The following SLC44A5 variants were observed in gnomAD, a reference collection of about 807,000 sequenced individuals.
SLC44A5 encodes solute carrier family 44 member 5, also known as choline transporter-like protein 5.
Under a neutral mutation model 101.8 loss-of-function variants are expected in SLC44A5, and 57 were observed. The observed-to-expected ratio is 0.56, with a 90% confidence interval of 0.45 to 0.70. The LOEUF (loss-of-function observed/expected upper bound fraction) is 0.70. Ranked by LOEUF, SLC44A5 falls within the 30% of genes least tolerant of loss-of-function variation. The pLI is 0.00. For missense variants in SLC44A5, 737 were observed against 853.1 expected (o/e 0.86, Z 1.70); for synonymous variants, 281 against 290.9 (o/e 0.97, Z 0.35).
chr1:75,302,104 G>GTTTTTTT lies in SLC44A5; in HGVS notation c.102-1426_102-1420dup, dbSNP rs1204998592. Among the ~76,000 whole-genome samples the GTTTTTTT allele has an allele frequency of 2.8e-3, 137 of 49,580 alleles. 16 individuals are homozygous for GTTTTTTT. The highest frequency in any genetic ancestry group is 6.1e-3 in the East Asian group (9 of 1,476). 32.5% of individuals were successfully genotyped at this position (49,580 alleles called of 152,430 possible). A position where few individuals can be genotyped will look rare whatever the true frequency, so the allele number is the denominator to read the frequency against. On this transcript the variant is annotated intron_variant, in intron 4 of 23. Coordinates refer to ENST00000370859, the MANE Select transcript of SLC44A5 (RefSeq NM_001130058.2). ...ACAAGAGAAGAAAGCAGGTGCTCTA[G>GTTTTTTT]TTTTTTTGTTTTTTTTTTTTTTTTT... is the stretch of plus-strand genomic sequence containing the variant.
chr1:75,287,054 C>A (rs1375489972), intron 5 of SLC44A5, among the ~76,000 whole-genome samples: 1 of 152,058 alleles, frequency 6.6e-6, no homozygotes, highest in East Asian at 1.9e-4. Context: ...TTTTAGATTT[C>A]TCTTCTTCCT....
chr1:75,351,842 T>A (rs2101073515), intron 3 of SLC44A5, among the ~76,000 whole-genome samples: 2 of 8,142 alleles, frequency 2.5e-4, no homozygotes, highest in African/African-American at 4.5e-4. Context: ...ATAACACACT[T>A]TACCAAAAAA....
intron 2 of SLC44A5, among the ~76,000 whole-genome samples, chr1:75,505,991 A>G (rs563405014): frequency 8.5e-5 from 13 of 152,260 alleles, no homozygotes; most frequent in Admixed American, 6.5e-5. Flanking sequence ...TGAGGTTTAC[A>G]TCTAAATATT....
intron 18 of SLC44A5, among the ~76,000 whole-genome samples, chr1:75,216,834 C>A (rs1414909044): frequency 1.3e-5 from 2 of 151,834 alleles, no homozygotes; most frequent in Non-Finnish European, 2.9e-5. Context: ...TGTAGAAGTT[C>A]TTTTATGTTC....
At chr1:75,496,376 T>C (rs539072631) in intron 2 of SLC44A5, among the ~76,000 whole-genome samples, 2 of 152,164 alleles carry the variant, frequency 1.3e-5, no homozygotes, top group Admixed American at 1.3e-4. Flanking sequence ...CTTCAATAAA[T>C]GGTGTTGGAA....
At chr1:75,562,649 C>T (rs1252319493) in intron 1 of SLC44A5, among the ~76,000 whole-genome samples, 5 of 152,130 alleles carry the variant, frequency 3.3e-5, no homozygotes, top group East Asian at 3.9e-4. Flanking sequence ...ATGGCTCCAC[C>T]GCACTTCAGC....
At chr1:75,452,101 G>C (rs570646540) in intron 2 of SLC44A5, among the ~76,000 whole-genome samples, 3 of 152,136 alleles carry the variant, frequency 2.0e-5, no homozygotes, top group African/African-American at 7.2e-5. Context: ...ATAGTCACCA[G>C]ACTGTCAAAG....
intron 3 of SLC44A5, chr1:75,354,064 A>G (rs1304438430): frequency 3.0e-5 from 9 of 304,032 alleles, no homozygotes; most frequent in African/African-American, 1.6e-4. Context: ...TTAGAATCCA[A>G]ATATAAGTTA....
intron 5 of SLC44A5, among the ~76,000 whole-genome samples, chr1:75,284,110 A>G (rs924010159): frequency 6.6e-6 from 1 of 152,116 alleles, no homozygotes; most frequent in Non-Finnish European, 1.5e-5. Flanking sequence ...TTTTCACAAT[A>G]TTGATTCTAC....
Position 75,250,171 on chromosome 1 carries a change from G to A in SLC44A5, c.345+1039C>T, listed in dbSNP as rs112119116. Among the ~76,000 whole-genome samples the A allele has an allele frequency of 4.8e-3, 736 of 152,032 alleles. 12 individuals carry two copies. Among genetic ancestry groups the A allele is most frequent in the African/African-American group, 0.017 (686 of 41,482 alleles). On this transcript the variant is annotated intron_variant, in intron 7 of 23. Transcript: ENST00000370859. Reference sequence around the variant, plus strand: ...TCCTCCCACCCTTCACCTTCTGATAGGCCCCCATGCCTGTTGTTCCCCTCT... The same window carrying A: ...TCCTCCCACCCTTCACCTTCTGATAAGCCCCCATGCCTGTTGTTCCCCTCT...
the SLC44A5 span, among the ~76,000 whole-genome samples, chr1:75,651,949 C>T: frequency 1.3e-5 from 2 of 152,084 alleles, no homozygotes; most frequent in Non-Finnish European, 2.9e-5. Context: ...GAAAGGCAGA[C>T]TCCCAATAGA....
intron 1 of SLC44A5, among the ~76,000 whole-genome samples, chr1:75,609,564 T>A (rs1218314265): frequency 6.6e-6 from 1 of 152,052 alleles, no homozygotes; most frequent in East Asian, 1.9e-4. Context: ...CTCTGATTTT[T>A]GGTTCGGTAG....
intron 1 of SLC44A5, among the ~76,000 whole-genome samples, chr1:75,601,179 G>A (rs953060368): frequency 1.3e-5 from 2 of 152,152 alleles, no homozygotes; most frequent in East Asian, 3.9e-4. Context: ...TCTAAAAACA[G>A]TGATCAGCAC....
At chr1:75,233,965 T>C (rs1647833028) in intron 12 of SLC44A5, 21 bp downstream of exon 12, 2 of 1,496,760 alleles carry the variant, frequency 1.3e-6, no homozygotes, top group African/African-American at 1.4e-5. Context: ...ATTTGATAAT[T>C]TGAAGAGGAG....
the SLC44A5 span, among the ~76,000 whole-genome samples, chr1:75,645,211 C>T: frequency 6.6e-6 from 1 of 152,132 alleles, no homozygotes; most frequent in Non-Finnish European, 1.5e-5. Context: ...CACTGTCTTC[C>T]ACAATGGTTG....
intron 2 of SLC44A5, among the ~76,000 whole-genome samples, chr1:75,409,020 A>G (rs34949028): frequency 1.1e-3 from 168 of 152,294 alleles, no homozygotes; most frequent in Middle Eastern, 3.4e-3. Flanking sequence ...ATCCATAAGA[A>G]AGAATGAAAT....
At chr1:75,257,839 A>G (rs1443511883) in intron 6 of SLC44A5, among the ~76,000 whole-genome samples, 1 of 152,006 alleles carries the variant, frequency 6.6e-6, no homozygotes, top group East Asian at 1.9e-4. Context: ...TGCATTTCCA[A>G]CTGAGGTAAC....
chr1:75,717,219 T>C, the SLC44A5 span, among the ~76,000 whole-genome samples: 1 of 151,440 alleles, frequency 6.6e-6, no homozygotes. Context: ...CTCATGCCTG[T>C]AATCCCAGCT....
intron 2 of SLC44A5, among the ~76,000 whole-genome samples, chr1:75,404,015 G>A (rs1430431406): frequency 6.6e-6 from 1 of 151,930 alleles, no homozygotes; most frequent in East Asian, 1.9e-4. Flanking sequence ...ATGACATGAT[G>A]GAGCTGCAAA....
Sources: allele counts gnomAD v4.1 joint callset (sites outside exome capture counted in the v4.1 genomes callset), GRCh38; gene constraint gnomAD v4.1.1; transcripts MANE v1.5; gene names NCBI Gene and HGNC (gene_info 2026-07-23, HGNC 2026-07-21).